Variants in RASGEF1B observed in about 807,000 individuals in gnomAD.
The protein encoded by RASGEF1B is ras-GEF domain-containing family member 1B.
In RASGEF1B, 30 loss-of-function variants were observed where a neutral mutation model predicts 65.7. The observed-to-expected ratio is 0.46, with a 90% CI of 0.34 to 0.62. The LOEUF is 0.62. RASGEF1B is among the 20% of genes least tolerant of loss of function. The pLI, the probability that RASGEF1B is intolerant of heterozygous loss-of-function variation, is 0.01. For missense variants in RASGEF1B, 495 were observed against 580.1 expected (o/e 0.85, Z 1.51); for synonymous variants, 175 against 194.8 (o/e 0.90, Z 0.85).
chr4:81,446,600 T>C (rs1207836120), intron 6 of RASGEF1B, among the ~76,000 whole-genome samples: 2 of 152,090 alleles, frequency 1.3e-5, no homozygotes, highest in Non-Finnish European at 2.9e-5. Context: ...TTTTAGAACA[T>C]AATGTTGCAA....
intron 10 of RASGEF1B, among the ~76,000 whole-genome samples, chr4:81,438,814 C>A (rs985699589): frequency 6.7e-6 from 1 of 150,076 alleles, no homozygotes; most frequent in African/African-American, 2.5e-5. Flanking sequence ...CGAGTGAGAA[C>A]ATGCAGTGTT....
intron 4 of RASGEF1B, chr4:81,455,733 G>A (rs1722420627): frequency 6.6e-6 from 1 of 152,164 alleles, no homozygotes; most frequent in Non-Finnish European, 1.5e-5. Flanking sequence ...GTCACAGCTA[G>A]TAGTTAGTGC....
intron 10 of RASGEF1B, among the ~76,000 whole-genome samples, chr4:81,435,342 C>T (rs1424562746): frequency 3.7e-5 from 5 of 134,790 alleles, no homozygotes; most frequent in South Asian, 2.6e-4. Flanking sequence ...ACCCGGGAAG[C>T]GGAGCTTGCA....
At chr4:81,444,831 G>T (rs1721963906) in intron 8 of RASGEF1B, among the ~76,000 whole-genome samples, 1 of 152,188 alleles carries the variant, frequency 6.6e-6, no homozygotes, top group Non-Finnish European at 1.5e-5. Flanking sequence ...ACTGTGCCCA[G>T]CCTATTCTTC....
chr4:81,466,266 A>T (rs925433964), intron 1 of RASGEF1B, among the ~76,000 whole-genome samples: 1 of 152,100 alleles, frequency 6.6e-6, no homozygotes, highest in Non-Finnish European at 1.5e-5. Flanking sequence ...AGCTGCATAG[A>T]TCTGAATTAA....
intron 1 of RASGEF1B, among the ~76,000 whole-genome samples, chr4:81,467,210 C>T (rs937769812): frequency 1.3e-5 from 2 of 152,158 alleles, no homozygotes; most frequent in African/African-American, 4.8e-5. Flanking sequence ...AGCATCCATA[C>T]AAAAAGTTAA....
chr4:81,445,899 AT>A (rs1722006785), intron 6 of RASGEF1B, 61 bp from the exon 7 acceptor site: 4 of 1,197,262 alleles, frequency 3.3e-6, no homozygotes. Flanking sequence ...GTGGACTCTC[AT>A]TTTGTGAAAT....
Position 81,427,736 on chromosome 4 carries a change from A to G in RASGEF1B, c.*32T>C, listed in dbSNP as rs1165451004. The G allele has an allele frequency of 1.2e-6, 2 of 1,613,032 alleles. No individual in the cohort carries two copies. Among genetic ancestry groups the G allele is most frequent in the African/African-American group, 2.7e-5 (2 of 74,894 alleles). On this transcript the variant is annotated 3_prime_UTR_variant, in exon 14 of 14. Transcript: ENST00000264400. ...AGCCCCTCCATGATCTGCAGGAAGC[A>G]GCAGCAGCAGCAGGCAGGCAGCTCC...
chr4:81,442,217 G>T, intron 9 of RASGEF1B, 80 bp downstream of exon 9: 3 of 919,242 alleles, frequency 3.3e-6, no homozygotes, highest in Non-Finnish European at 5.5e-6. Context: ...GTAGTCTGAT[G>T]GAGAGGCAAG....
intron 10 of RASGEF1B, among the ~76,000 whole-genome samples, chr4:81,435,675 C>T (rs940265412): frequency 2.0e-5 from 3 of 149,330 alleles, no homozygotes; most frequent in Non-Finnish European, 4.4e-5. Flanking sequence ...CAGGGTTTCA[C>T]CGTGTTAGCC....
Position 81,427,674 on chromosome 4 carries a change from G to A in RASGEF1B, c.*94C>T. The A allele has an allele frequency of 3.4e-6, 5 of 1,458,610 alleles. No individual in the cohort carries two copies. Among genetic ancestry groups the A allele is most frequent in the Non-Finnish European group, 3.8e-6 (4 of 1,052,026 alleles). 90.4% of individuals were successfully genotyped at this position (1,458,610 alleles called of 1,614,324 possible). A position where few individuals can be genotyped will look rare whatever the true frequency, so the allele number is the denominator to read the frequency against. On this transcript the variant is annotated 3_prime_UTR_variant, in exon 14 of 14. Coordinates refer to ENST00000264400, the MANE Select transcript of RASGEF1B (RefSeq NM_152545.3). ...GCTCCAATGACTGCAGGGTCTTCAT[G>A]AGTGTTCGTGGTACGAGATGCCAGA...
At chr4:81,437,992 G>C (rs1721692710) in intron 10 of RASGEF1B, among the ~76,000 whole-genome samples, 1 of 152,258 alleles carries the variant, frequency 6.6e-6, no homozygotes, top group East Asian at 1.9e-4. Context: ...AACTTCTCAG[G>C]TAATAATATT....
intron 11 of RASGEF1B, 133 bp from the exon 12 acceptor site, chr4:81,434,096 C>A (rs1721526691): frequency 1.3e-6 from 1 of 768,468 alleles, no homozygotes. Flanking sequence ...GTCACCAAAG[C>A]TAGAGTGCAG....
At position 81,448,122 on chromosome 4, in the gene RASGEF1B, T is replaced by G. The variant is rs1722104308; in HGVS notation, c.601A>C (p.Thr201Pro). The change falls in exon 5 of 14, where the codon ACT (threonine) becomes CCT (proline). Residue 201 changes from threonine to proline, a missense_variant. Physicochemically the swap from Thr to Pro is conservative, Grantham distance 38. Transcript: ENST00000264400. ...KPQSIQRDII[T>P]VCNDPYTLAQ... Reference sequence around the variant, plus strand: ...AACGTGTAAGGGTCGTTGCAGACAGTAATGATATCCCTTTGTATAGACTGT... The same window carrying G: ...AACGTGTAAGGGTCGTTGCAGACAGGAATGATATCCCTTTGTATAGACTGT... 1 of 1,614,088 alleles carries G rather than the reference T, an allele frequency of 6.2e-7. No individual in the cohort carries two copies. Among genetic ancestry groups the G allele is most frequent in the Non-Finnish European group, 8.5e-7 (1 of 1,180,032 alleles).
At chr4:81,466,953 A>G (rs1219978580) in intron 1 of RASGEF1B, among the ~76,000 whole-genome samples, 6 of 135,220 alleles carry the variant, frequency 4.4e-5, no homozygotes, top group African/African-American at 2.2e-4. Flanking sequence ...AAAAAAAAAA[A>G]AAGAAAAAAA....
chr4:81,430,511 A>G (rs1391403424), intron 13 of RASGEF1B, among the ~76,000 whole-genome samples: 3 of 152,170 alleles, frequency 2.0e-5, no homozygotes, highest in East Asian at 3.9e-4. Context: ...TGGGGCTTCA[A>G]GAGCTATAAA....
intron 10 of RASGEF1B, among the ~76,000 whole-genome samples, chr4:81,435,664 A>G (rs1721601987): frequency 6.8e-6 from 1 of 147,542 alleles, no homozygotes; most frequent in Non-Finnish European, 1.5e-5. Flanking sequence ...TTTAGTAGAG[A>G]CAGGGTTTCA....
chr4:81,469,616 T>TA (rs1722955108), intron 1 of RASGEF1B, among the ~76,000 whole-genome samples: 1 of 151,646 alleles, frequency 6.6e-6, no homozygotes, highest in Non-Finnish European at 1.5e-5. Context: ...GTTATACATA[T>TA]AAATACATAT....
At chr4:81,466,773 AGAAAGAAAGAAAGAAAGAAAGAAAG>A (rs1722836437) in intron 1 of RASGEF1B, among the ~76,000 whole-genome samples, 1 of 81,162 alleles carries the variant, frequency 1.2e-5, no homozygotes, top group Non-Finnish European at 2.4e-5. Flanking sequence ...AAAAAAAAAA[AGAAAGAAAGAAAGAAAGAAAGAAAG>A]AAAGAAAGAA....
Sources: gnomAD v4.1 joint callset for allele counts (sites outside exome capture counted in the v4.1 genomes callset) on GRCh38, gnomAD v4.1.1 for gene constraint, MANE v1.5 for transcripts, NCBI Gene and HGNC (gene_info 2026-07-23, HGNC 2026-07-21) for gene names.